The following KIF6 variants were observed in gnomAD, a reference collection of about 807,000 sequenced individuals.
KIF6 encodes the protein kinesin family member 6, also known as kinesin-like protein KIF6.
Under a neutral mutation model 112.7 loss-of-function variants are expected in KIF6, and 106 were observed. The ratio of observed to expected loss-of-function variants is 0.94; its 90% CI spans 0.80 to 1.11. The LOEUF (loss-of-function observed/expected upper bound fraction) is 1.11. KIF6 is among the 50% of genes least tolerant of loss of function. KIF6 has a pLI of 0.00. For missense variants in KIF6, 929 were observed against 964.0 expected (o/e 0.96, Z 0.48); for synonymous variants, 339 against 339.9 (o/e 1.00, Z 0.03).
intron 14 of KIF6, among the ~76,000 whole-genome samples, chr6:39,425,009 C>T (rs903101050): frequency 1.3e-5 from 2 of 152,106 alleles, no homozygotes; most frequent in African/African-American, 2.4e-5. Context: ...GTGTGTCAGG[C>T]GGAGATACTC....
chr6:39,720,566 C>G (rs944700496), intron 2 of KIF6, 136 bp downstream of exon 2: 15 of 592,070 alleles, frequency 2.5e-5, no homozygotes, highest in Admixed American at 5.7e-5. Flanking sequence ...TGAGTTCAGT[C>G]TACTAGGTGA....
At chr6:39,465,441 C>T (rs1773728813) in intron 13 of KIF6, among the ~76,000 whole-genome samples, 1 of 152,174 alleles carries the variant, frequency 6.6e-6, no homozygotes, top group South Asian at 2.1e-4. Flanking sequence ...TTTAATTGGT[C>T]ACACAGACCT....
intron 13 of KIF6, among the ~76,000 whole-genome samples, chr6:39,447,903 T>C (rs1334302682): frequency 6.6e-6 from 1 of 152,212 alleles, no homozygotes; most frequent in Non-Finnish European, 1.5e-5. Flanking sequence ...TTTCTGTTTT[T>C]ATTTGAGTTG....
At chr6:39,487,543 C>T (rs1775190975) in intron 13 of KIF6, among the ~76,000 whole-genome samples, 1 of 152,188 alleles carries the variant, frequency 6.6e-6, no homozygotes, top group Non-Finnish European at 1.5e-5. Context: ...CCTAGGTCTG[C>T]TTTCTCCCTT....
At chr6:39,445,766 T>C (rs1318839049) in intron 13 of KIF6, among the ~76,000 whole-genome samples, 1 of 152,168 alleles carries the variant, frequency 6.6e-6, no homozygotes, top group Non-Finnish European at 1.5e-5. Flanking sequence ...AGGGGGTCAG[T>C]GTTATTCTGC....
chr6:39,678,354 CAT>C (rs1787304016), intron 3 of KIF6, among the ~76,000 whole-genome samples: 1 of 152,194 alleles, frequency 6.6e-6, no homozygotes, highest in Admixed American at 6.5e-5. Flanking sequence ...CTCTTGGAAT[CAT>C]GTGTCAGGTG....
intron 10 of KIF6, among the ~76,000 whole-genome samples, chr6:39,575,478 G>A (rs534836392): frequency 6.6e-6 from 1 of 152,082 alleles, no homozygotes; most frequent in East Asian, 1.9e-4. Context: ...CACCATGTTG[G>A]CCAGGATGGT....
intron 15 of KIF6, among the ~76,000 whole-genome samples, chr6:39,411,198 C>A (rs572608443): frequency 3.9e-5 from 6 of 152,150 alleles, no homozygotes; most frequent in Non-Finnish European, 7.3e-5. Context: ...CAGGGCCAGC[C>A]GGTTACAAGA....
intron 22 of KIF6, among the ~76,000 whole-genome samples, chr6:39,340,114 A>T (rs1281141340): frequency 6.6e-6 from 1 of 152,186 alleles, no homozygotes; most frequent in Non-Finnish European, 1.5e-5. Flanking sequence ...TGTATGTCTG[A>T]GAGGTCACGC....
At chr6:39,426,863 G>C (rs564688781) in intron 14 of KIF6, among the ~76,000 whole-genome samples, 1 of 152,192 alleles carries the variant, frequency 6.6e-6, no homozygotes, top group East Asian at 1.9e-4. Flanking sequence ...AGTCAGAAGA[G>C]ATTGTGGGTC....
chr6:39,680,366 T>C (rs1038711050), intron 3 of KIF6, among the ~76,000 whole-genome samples: 1 of 152,224 alleles, frequency 6.6e-6, no homozygotes, highest in South Asian at 2.1e-4. Context: ...CATGGCACTT[T>C]AATATTTGTC....
intron 10 of KIF6, among the ~76,000 whole-genome samples, chr6:39,574,951 C>T (rs1371804535): frequency 1.3e-5 from 2 of 152,158 alleles, no homozygotes; most frequent in Non-Finnish European, 2.9e-5. Context: ...TTAATGACAA[C>T]AACTATATTT....
Position 39,439,705 on chromosome 6 carries a change from T to C in KIF6, c.1646-8544A>G, listed in dbSNP as rs1163161749. 1.3e-5 allele frequency among the ~76,000 whole-genome samples: 2 copies of C among 152,200 alleles called. 1 individual carries two copies. Among genetic ancestry groups the C allele is most frequent in the Admixed American group, 1.3e-4 (2 of 15,286 alleles). ...TTACCCACTTCTTAATGCTTTCTTT[T>C]TTTTTCAACCTGAAATTCAGTTCCT... On this transcript the variant is annotated intron_variant, in intron 13 of 22. Coordinates refer to ENST00000287152, the MANE Select transcript of KIF6 (RefSeq NM_145027.6).
intron 10 of KIF6, among the ~76,000 whole-genome samples, chr6:39,571,133 C>T (rs1229551759): frequency 1.3e-5 from 2 of 152,136 alleles, no homozygotes; most frequent in African/African-American, 4.8e-5. Context: ...CCAATTTTTC[C>T]ACCTCTTGAT....
intron 14 of KIF6, among the ~76,000 whole-genome samples, chr6:39,426,690 G>T (rs1770787466): frequency 1.3e-5 from 2 of 152,082 alleles, no homozygotes; most frequent in African/African-American, 4.8e-5. Flanking sequence ...GGTTGAGGCT[G>T]CAGTAAGCCA....
At chr6:39,461,053 T>A (rs1306093313) in intron 13 of KIF6, among the ~76,000 whole-genome samples, 1 of 152,198 alleles carries the variant, frequency 6.6e-6, no homozygotes, top group Non-Finnish European at 1.5e-5. Flanking sequence ...AAATGTTTTA[T>A]GAAAGTAAGC....
chr6:39,552,777 C>G (rs1043488695), intron 10 of KIF6, among the ~76,000 whole-genome samples: 2 of 151,976 alleles, frequency 1.3e-5, no homozygotes, highest in Non-Finnish European at 2.9e-5. Flanking sequence ...TTTTAACAGG[C>G]TGAAATGGTA....
rs1410735288 is a variant in KIF6, at chr6:39,343,949, C to T, written c.2322-134G>A. 4 of 569,050 alleles carry T rather than the reference C, an allele frequency of 7.0e-6. No homozygotes were observed. The East Asian group carries it at 1.2e-4, about 17-fold the overall frequency. 35.3% of individuals were successfully genotyped at this position (569,050 alleles called of 1,614,324 possible). A position where few individuals can be genotyped will look rare whatever the true frequency, so the allele number is the denominator to read the frequency against. ...CATGACACGGCTGGCCTGCTTCTCA[C>T]TCCCTCCTACCTTCTCTGTGTGGCA... is the stretch of plus-strand genomic sequence containing the variant. On this transcript the variant is annotated intron_variant, in intron 21 of 22. Coordinates refer to ENST00000287152, the MANE Select transcript of KIF6 (RefSeq NM_145027.6). This position sits in a 1 kb window ranked among gnomAD's most constrained non-coding sequence, Gnocchi z 4.1.
intron 11 of KIF6, 129 bp from the exon 12 acceptor site, chr6:39,544,822 G>A (rs1187798133): frequency 1.0e-5 from 5 of 482,714 alleles, no homozygotes; most frequent in Non-Finnish European, 1.8e-5. Flanking sequence ...CAGGTGCGAT[G>A]TCTTTGCGAT....
Sources: allele counts gnomAD v4.1 joint callset (sites outside exome capture counted in the v4.1 genomes callset), GRCh38; gene constraint gnomAD v4.1.1; non-coding constraint Gnocchi (gnomAD v3.1); transcripts MANE v1.5; gene names NCBI Gene and HGNC (gene_info 2026-07-23, HGNC 2026-07-21).